Variants in IQSEC1 observed in about 807,000 individuals in gnomAD.
IQSEC1 encodes the protein IQ motif and Sec7 domain ArfGEF 1, also known as IQ motif and SEC7 domain-containing protein 1.
IQSEC1 carries 31 observed loss-of-function variants against 91.0 expected under a neutral mutation model. That is an observed-to-expected ratio of 0.34 (90% CI 0.26 to 0.46). IQSEC1 has a LOEUF of 0.46. Ranked by LOEUF, IQSEC1 falls within the 20% of genes least tolerant of loss-of-function variation. The probability of loss-of-function intolerance (pLI) is 1.00; values close to 1 mark genes in which losing one functional copy is unlikely to be tolerated. For synonymous variants in IQSEC1, 699 were observed against 662.6 expected (o/e 1.05, Z -0.84); for missense variants, 1,388 against 1,575.6 (o/e 0.88, Z 2.02).
chr3:12,902,748 C>G, intron 13 of IQSEC1, 25 bp downstream of exon 13: 2 of 1,579,550 alleles, frequency 1.3e-6, no homozygotes, highest in Non-Finnish European at 1.7e-6. Context: ...GGACAGCCAG[C>G]TGGACAGAGG....
chr3:13,199,684 CCT>C (rs1169698931), intron 1 of IQSEC1, among the ~76,000 whole-genome samples: 2 of 152,106 alleles, frequency 1.3e-5, no homozygotes, highest in Admixed American at 6.5e-5. Flanking sequence ...TGGAGTGGCC[CCT>C]GAGGCCCTTA....
At chr3:12,944,321 G>T (rs1699023235) in intron 1 of IQSEC1, among the ~76,000 whole-genome samples, 1 of 152,246 alleles carries the variant, frequency 6.6e-6, no homozygotes, top group Non-Finnish European at 1.5e-5. Flanking sequence ...AAAGCTTTGA[G>T]CAGGGACTCG....
chr3:13,162,043 T>C (rs165269), intron 2 of IQSEC1, among the ~76,000 whole-genome samples: 136,764 of 152,246 alleles, frequency 0.9, 61,653 homozygotes, highest in African/African-American at 0.97. Flanking sequence ...GCTTTCCTGA[T>C]GATCCGCTGG....
intron 1 of IQSEC1, among the ~76,000 whole-genome samples, chr3:13,060,387 G>A (rs1169472181): frequency 6.8e-6 from 1 of 147,424 alleles, no homozygotes; most frequent in Non-Finnish European, 1.5e-5. Flanking sequence ...AGGCTCCTGC[G>A]GTGGGGCCCG....
rs142258621 is a variant in IQSEC1 at position 13,146,615 on chromosome 3, G to A, written c.302+17489C>T. Among the ~76,000 whole-genome samples the A allele has an allele frequency of 8.3e-4, 127 of 152,290 alleles. 1 individual carries two copies. The East Asian group carries it at 0.014, about 17-fold the overall frequency. On this transcript the variant is annotated intron_variant, in intron 2 of 15. Coordinates refer to the IQSEC1 transcript ENST00000648114. ...AGCACTTTTTGAGGCCAAGGCAGGC[G>A]GATCATTTAAGGCCAAGAGTTTGAG... is the stretch of plus-strand genomic sequence containing the variant.
intron 1 of IQSEC1, among the ~76,000 whole-genome samples, chr3:13,210,234 C>G (rs560695683): frequency 5.3e-5 from 8 of 152,076 alleles, no homozygotes; most frequent in South Asian, 2.1e-4. Flanking sequence ...CTGTGGTATC[C>G]CCCAGGCTGG....
chr3:13,165,503 A>T (rs1006523739), intron 1 of IQSEC1, among the ~76,000 whole-genome samples: 1 of 104,768 alleles, frequency 9.5e-6, no homozygotes, highest in Non-Finnish European at 1.8e-5. Flanking sequence ...GACAGAAAAG[A>T]AAGCAAGCGG....
intron 2 of IQSEC1, among the ~76,000 whole-genome samples, chr3:13,126,920 A>AT (rs935088316): frequency 3.3e-5 from 5 of 151,936 alleles, no homozygotes; most frequent in Non-Finnish European, 7.4e-5. Context: ...AAGATTTTCT[A>AT]TTTTTTTCCT....
intron 1 of IQSEC1, among the ~76,000 whole-genome samples, chr3:13,064,755 A>G: frequency 6.6e-6 from 1 of 152,272 alleles, no homozygotes; most frequent in East Asian, 1.9e-4. Flanking sequence ...AGTGAGGACC[A>G]GACTCGGATA....
chr3:13,218,975 T>C (rs557733733), intron 1 of IQSEC1, among the ~76,000 whole-genome samples: 1 of 152,274 alleles, frequency 6.6e-6, no homozygotes, highest in Non-Finnish European at 1.5e-5. Flanking sequence ...CCAAGTCAGC[T>C]GCACGTGCAC....
chr3:13,241,079 G>T (rs1033925274), intron 1 of IQSEC1, among the ~76,000 whole-genome samples: 1 of 152,178 alleles, frequency 6.6e-6, no homozygotes, highest in African/African-American at 2.4e-5. Flanking sequence ...AGAATGTGCC[G>T]CACAGTCCAA....
chr3:13,023,057 T>C (rs1703471567), intron 1 of IQSEC1, among the ~76,000 whole-genome samples: 1 of 152,208 alleles, frequency 6.6e-6, no homozygotes, highest in Non-Finnish European at 1.5e-5. Flanking sequence ...TTGGTTTACA[T>C]GAGACACAGA....
At chr3:13,158,261 T>C (rs1707115054) in intron 2 of IQSEC1, among the ~76,000 whole-genome samples, 1 of 152,184 alleles carries the variant, frequency 6.6e-6, no homozygotes, top group Non-Finnish European at 1.5e-5. Flanking sequence ...TCCCATTCCT[T>C]CCTGGAGAGA....
chr3:12,898,474 C>A lies in IQSEC1; in HGVS notation c.*2509G>T, dbSNP rs1352992358. ...CTGCCCAGCACAGCTCCAGGACACA[C>A]CGAGGACAGTGCCACAGGCTGGCAG... On this transcript the variant is annotated 3_prime_UTR_variant, in exon 14 of 14. Coordinates refer to ENST00000613206, the MANE Select transcript of IQSEC1 (RefSeq NM_001134382.3). 1 of 152,238 alleles carries A rather than the reference C, an allele frequency of 6.6e-6. No individual in the cohort carries two copies. The highest frequency in any genetic ancestry group is 1.5e-5 in the Non-Finnish European group (1 of 68,058). The allele number at this position is 152,238 out of a possible 1,614,324, so 9.4% of individuals were successfully genotyped here.
At chr3:13,120,186 C>T (rs937761690) in intron 2 of IQSEC1, among the ~76,000 whole-genome samples, 5 of 152,190 alleles carry the variant, frequency 3.3e-5, no homozygotes, top group African/African-American at 4.8e-5. Flanking sequence ...AATGACCTTC[C>T]GACCCCCAGG....
intron 1 of IQSEC1, among the ~76,000 whole-genome samples, chr3:13,195,864 C>T (rs1308107253): frequency 1.3e-5 from 2 of 152,134 alleles, no homozygotes; most frequent in Non-Finnish European, 2.9e-5. Context: ...GGGATGGTAT[C>T]AGTATCAATA....
intron 1 of IQSEC1, among the ~76,000 whole-genome samples, chr3:13,280,730 G>T (rs140734420): frequency 1.3e-5 from 2 of 152,352 alleles, no homozygotes; most frequent in African/African-American, 2.4e-5. Flanking sequence ...CATCTGCATT[G>T]TAGCAAGATT....
intron 1 of IQSEC1, among the ~76,000 whole-genome samples, chr3:13,185,968 C>T (rs142131577): frequency 2.3e-3 from 350 of 152,350 alleles, no homozygotes; most frequent in African/African-American, 7.9e-3. Flanking sequence ...TCAGAGAAGA[C>T]AATGAGCAGT....
At chr3:12,999,605 G>A (rs1409254725) in intron 1 of IQSEC1, among the ~76,000 whole-genome samples, 2 of 152,138 alleles carry the variant, frequency 1.3e-5, no homozygotes, top group African/African-American at 2.4e-5. Flanking sequence ...AAACAAAACC[G>A]CTCACCCCAC....
Sources: gnomAD v4.1 joint callset for allele counts (sites outside exome capture counted in the v4.1 genomes callset) on GRCh38, gnomAD v4.1.1 for gene constraint, MANE v1.5 for transcripts, NCBI Gene and HGNC (gene_info 2026-07-23, HGNC 2026-07-21) for gene names.